CHLSN: variants seen among roughly 807,000 people sequenced by gnomAD.
The protein encoded by CHLSN is protein cholesin.
the CHLSN span, among the ~76,000 whole-genome samples, chr7:1,032,384 A>C: frequency 6.6e-6 from 1 of 152,140 alleles, no homozygotes; most frequent in South Asian, 2.1e-4. Context: ...ACGAGAATCC[A>C]CTGTGGAGGT....
chr7:1,052,893 C>A, the CHLSN span, among the ~76,000 whole-genome samples: 2 of 152,288 alleles, frequency 1.3e-5, no homozygotes, highest in African/African-American at 4.8e-5. The surrounding 1 kb of genome is among the most constrained non-coding windows in gnomAD (Gnocchi z 4.2). Flanking sequence ...CTTTCATCGC[C>A]GCCACAACAA....
chr7:1,063,916 A>G, the CHLSN span, among the ~76,000 whole-genome samples: 1 of 152,190 alleles, frequency 6.6e-6, no homozygotes, highest in Non-Finnish European at 1.5e-5. Flanking sequence ...CAGAGAAGTC[A>G]GAGCTCCGCA....
chr7:982,499 G>T, the CHLSN span, among the ~76,000 whole-genome samples: 1 of 152,222 alleles, frequency 6.6e-6, no homozygotes, highest in Non-Finnish European at 1.5e-5. Context: ...CGTAAACCCC[G>T]CCACCTGCCA....
the CHLSN span, among the ~76,000 whole-genome samples, chr7:1,023,970 A>AACCAGGACTATAGGCATGTGCC: frequency 3.0e-3 from 460 of 152,318 alleles, 1 homozygote; most frequent in Non-Finnish European, 3.7e-3. The surrounding 1 kb of genome is among the most constrained non-coding windows in gnomAD (Gnocchi z 5.0). Flanking sequence ...CCTCCCAAGC[A>AACCAGGACTATAGGCATGTGCC]ACCAGGACTA....
At chr7:1,045,696 G>GT in the CHLSN span, 1 of 152,264 alleles carries the variant, frequency 6.6e-6, no homozygotes, top group African/African-American at 2.4e-5. Flanking sequence ...AAGAACTACT[G>GT]TAAGGCCTGG....
the CHLSN span, among the ~76,000 whole-genome samples, chr7:1,099,798 T>C: frequency 2.0e-5 from 3 of 152,212 alleles, 1 homozygote; most frequent in East Asian, 5.8e-4. Context: ...GTTTGCTGTG[T>C]GCTGTTCGCA....
chr7:1,116,472 G>A, the CHLSN span, among the ~76,000 whole-genome samples: 5 of 98,278 alleles, frequency 5.1e-5, no homozygotes, highest in South Asian at 1.8e-3. Context: ...CATCACTGCA[G>A]TTCTAGGACC....
the CHLSN span, among the ~76,000 whole-genome samples, chr7:1,110,379 C>T: frequency 6.6e-6 from 1 of 152,120 alleles, no homozygotes; most frequent in Non-Finnish European, 1.5e-5. Context: ...GAAAAGCCAG[C>T]CACCAAAGAC....
the CHLSN span, among the ~76,000 whole-genome samples, chr7:1,081,785 G>A: frequency 1.0e-4 from 13 of 129,156 alleles, no homozygotes; most frequent in African/African-American, 2.8e-4. Flanking sequence ...GAGGCCTCTC[G>A]AACCCATGGC....
chr7:1,090,727 C>T, the CHLSN span, among the ~76,000 whole-genome samples: 1 of 152,378 alleles, frequency 6.6e-6, no homozygotes, highest in Non-Finnish European at 1.5e-5. Flanking sequence ...GGGACTCTCT[C>T]CCTGGAGTTT....
the CHLSN span, among the ~76,000 whole-genome samples, chr7:978,392 C>G: frequency 1.3e-5 from 2 of 152,072 alleles, no homozygotes; most frequent in Non-Finnish European, 2.9e-5. Flanking sequence ...GGGGCGCACA[C>G]CTGTGGTCCC....
At chr7:981,719 A>G in the CHLSN span, among the ~76,000 whole-genome samples, 1 of 152,014 alleles carries the variant, frequency 6.6e-6, no homozygotes, top group African/African-American at 2.4e-5. Context: ...TCTCAAAAAC[A>G]ACAAAAACCC....
chr7:987,498 C>T, the CHLSN span: 22 of 1,543,688 alleles, frequency 1.4e-5, no homozygotes, highest in Middle Eastern at 1.7e-4. Flanking sequence ...GCACCGCGGC[C>T]GACACACAGC....
the CHLSN span, chr7:1,043,990 T>A: frequency 6.6e-6 from 1 of 152,288 alleles, no homozygotes; most frequent in Non-Finnish European, 1.5e-5. Flanking sequence ...ACTTTTCCAA[T>A]GTTTAACTTG....
At chr7:1,028,510 C>G in the CHLSN span, 1 of 985,144 alleles carries the variant, frequency 1.0e-6, no homozygotes, top group Non-Finnish European at 1.2e-6. Context: ...CGGGGGTGGA[C>G]CCTGCTGCAG....
the CHLSN span, among the ~76,000 whole-genome samples, chr7:1,001,732 T>C: frequency 3.8e-5 from 3 of 78,144 alleles, no homozygotes; most frequent in African/African-American, 5.9e-5. Flanking sequence ...TGGAGTCCTG[T>C]GGGTGGGGAG....
the CHLSN span, chr7:1,024,563 G>T: frequency 2.0e-5 from 3 of 152,202 alleles, no homozygotes; most frequent in African/African-American, 7.2e-5. Context: ...GGGTGAAAAT[G>T]GAAACCTGTG....
At chr7:1,020,810 A>C in the CHLSN span, among the ~76,000 whole-genome samples, 1 of 152,160 alleles carries the variant, frequency 6.6e-6, no homozygotes, top group African/African-American at 2.4e-5. Context: ...TGGGCTCCCC[A>C]GGCTGTGTGA....
the CHLSN span, chr7:1,028,129 C>A: frequency 8.8e-6 from 5 of 571,312 alleles, no homozygotes; most frequent in Non-Finnish European, 1.1e-5. Flanking sequence ...GAGCGGGGCC[C>A]GCAGCAGCGT....
Sources: allele counts gnomAD v4.1 joint callset (sites outside exome capture counted in the v4.1 genomes callset), GRCh38; gene constraint gnomAD v4.1.1; non-coding constraint Gnocchi (gnomAD v3.1); transcripts MANE v1.5; gene names NCBI Gene and HGNC (gene_info 2026-07-23, HGNC 2026-07-21).